DMD: variants seen among roughly 807,000 people sequenced by gnomAD.
DMD encodes dystrophin.
A neutral mutation model predicts 330.1 loss-of-function variants in DMD; 63 were observed. The observed-to-expected ratio is 0.19, with a 90% CI of 0.16 to 0.24. The LOEUF (loss-of-function observed/expected upper bound fraction) is 0.24. Among genes scored for constraint, DMD ranks in the 10% least tolerant of loss-of-function variants. DMD has a pLI of 1.00. For missense variants in DMD, 3,344 were observed against 2,684.1 expected (o/e 1.25, Z -5.43); for synonymous variants, 1,223 against 959.8 (o/e 1.27, Z -5.07).
At chrX:31,317,668 C>T (rs62588887) in intron 62 of DMD, among the ~76,000 whole-genome samples, 89 of 109,678 alleles carry the variant, frequency 8.1e-4, no homozygotes, top group Non-Finnish European at 1.4e-3. Flanking sequence ...CCCGCCACCA[C>T]GCCCAGCTAA....
At chrX:32,828,667 AC>A (rs1293163518) in intron 4 of DMD, among the ~76,000 whole-genome samples, 1 of 110,195 alleles carries the variant, frequency 9.1e-6, no homozygotes, top group Admixed American at 9.8e-5. Flanking sequence ...ATACATACAC[AC>A]ACATATATAC....
intron 55 of DMD, among the ~76,000 whole-genome samples, chrX:31,567,080 C>A (rs960965084): frequency 1.2e-4 from 13 of 111,382 alleles, no homozygotes; most frequent in Non-Finnish European, 2.5e-4. Flanking sequence ...CTTCTCAGCT[C>A]CATGAGCATT....
At chrX:32,598,164 T>C (rs768896234) in intron 12 of DMD, among the ~76,000 whole-genome samples, 114 of 112,528 alleles carry the variant, frequency 1.0e-3, no homozygotes, top group Non-Finnish European at 1.7e-3. Context: ...TTCGTCTCTC[T>C]AGATTTTCAT....
At chrX:32,317,839 C>CTT (rs34543898) in intron 41 of DMD, among the ~76,000 whole-genome samples, 193 of 101,029 alleles carry the variant, frequency 1.9e-3, no homozygotes, top group Middle Eastern at 0.01. Flanking sequence ...GTGATGGAGC[C>CTT]TTTTTTTTTT....
intron 52 of DMD, among the ~76,000 whole-genome samples, chrX:31,709,031 G>A (rs781284259): frequency 1.8e-5 from 2 of 112,009 alleles, no homozygotes; most frequent in African/African-American, 3.2e-5. Context: ...CAGCTCTTTG[G>A]GGGAACAAGG....
At chrX:31,969,849 C>T (rs1189505492) in intron 44 of DMD, among the ~76,000 whole-genome samples, 1 of 111,565 alleles carries the variant, frequency 9.0e-6, no homozygotes, top group Non-Finnish European at 1.9e-5. Context: ...ACAAGCTGTC[C>T]TGGCCATACT....
At chrX:32,123,129 TATAC>T (rs2096644271) in intron 44 of DMD, among the ~76,000 whole-genome samples, 1 of 99,668 alleles carries the variant, frequency 1.0e-5, no homozygotes, top group Non-Finnish European at 2.0e-5. Context: ...GTTCATCTTG[TATAC>T]ATACATACCA....
chrX:32,098,312 G>A (rs2096522475), intron 44 of DMD, among the ~76,000 whole-genome samples: 1 of 111,389 alleles, frequency 9.0e-6, no homozygotes. Flanking sequence ...TTAAAGTTGG[G>A]TATAATTCAA....
chrX:32,864,473 A>AAGAAAGAAAAG (rs2082327139), intron 2 of DMD, among the ~76,000 whole-genome samples: 7 of 112,453 alleles, frequency 6.2e-5, no homozygotes, highest in Admixed American at 3.8e-4. Flanking sequence ...AAGATAGTTT[A>AAGAAAGAAAAG]ATATATCTTT....
intron 62 of DMD, among the ~76,000 whole-genome samples, chrX:31,320,556 C>A (rs923373369): frequency 9.0e-6 from 1 of 111,477 alleles, no homozygotes; most frequent in Admixed American, 9.5e-5. Flanking sequence ...TCTTTTTAGA[C>A]CAAGACGGCA....
chrX:33,077,943 G>C (rs2094870744), intron 1 of DMD, among the ~76,000 whole-genome samples: 1 of 112,346 alleles, frequency 8.9e-6, no homozygotes, highest in East Asian at 2.8e-4. Context: ...TAGTCTTACT[G>C]TACTTGGCCT....
At chrX:32,013,365 G>A (rs2095732087) in intron 44 of DMD, among the ~76,000 whole-genome samples, 2 of 110,994 alleles carry the variant, frequency 1.8e-5, no homozygotes, top group South Asian at 3.8e-4. Context: ...GATTACAGGC[G>A]TGAGCCACCG....
At chrX:32,401,291 C>A (rs934151359) in intron 30 of DMD, among the ~76,000 whole-genome samples, 1 of 109,363 alleles carries the variant, frequency 9.1e-6, no homozygotes, top group Admixed American at 9.8e-5. Flanking sequence ...TGTGACTAAC[C>A]TGCACAATGT....
At chrX:31,762,012 GAAGA>G (rs1230271845) in intron 51 of DMD, among the ~76,000 whole-genome samples, 2 of 112,053 alleles carry the variant, frequency 1.8e-5, no homozygotes, top group Non-Finnish European at 3.8e-5. Context: ...TTTGAATTAT[GAAGA>G]AAGAAACACA....
Position 31,121,575 on chromosome X carries a change from T to TAAAG in DMD, c.*340_*343dup. 3.4e-6 allele frequency: 1 copy of TAAAG among 293,924 alleles called. No individual in the cohort carries two copies. Among genetic ancestry groups the TAAAG allele is most frequent in the Non-Finnish European group, 6.0e-6 (1 of 167,772 alleles). The allele number at this position is 293,924 out of a possible 1,213,427, so 24.2% of individuals were successfully genotyped here. A position where few individuals can be genotyped will look rare whatever the true frequency, so the allele number is the denominator to read the frequency against. On this transcript the variant is annotated 3_prime_UTR_variant, in exon 79 of 79. Transcript: ENST00000357033. ...TAAACAACCCAAAATGCGTTCCATA[T>TAAAG]AAAGAAATGGCAAGTTATTTAGCTA...
At chrX:32,629,718 G>A (rs1427309657) in intron 11 of DMD, among the ~76,000 whole-genome samples, 3 of 108,772 alleles carry the variant, frequency 2.8e-5, no homozygotes, top group Admixed American at 2.0e-4. Context: ...TAACTATGAG[G>A]TTTGTAAAGA....
intron 55 of DMD, among the ~76,000 whole-genome samples, chrX:31,544,010 A>T (rs1378260652): frequency 2.7e-5 from 3 of 111,365 alleles, no homozygotes; most frequent in Non-Finnish European, 5.6e-5. Context: ...GAAGAGGAAA[A>T]CTGTCAGAGT....
chrX:32,188,491 A>G (rs1302605241), intron 44 of DMD, among the ~76,000 whole-genome samples: 1 of 103,464 alleles, frequency 9.7e-6, no homozygotes, highest in Non-Finnish European at 2.0e-5. Context: ...TTATAGGTAC[A>G]TGAATAGTCA....
intron 1 of DMD, among the ~76,000 whole-genome samples, chrX:33,291,672 C>T (rs377615268): frequency 1.8e-5 from 2 of 111,316 alleles, no homozygotes; most frequent in East Asian, 2.8e-4. Context: ...TATTTCCAAA[C>T]GACAGTTTTT....
Sources: gnomAD v4.1 joint callset for allele counts (sites outside exome capture counted in the v4.1 genomes callset) on GRCh38, gnomAD v4.1.1 for gene constraint, MANE v1.5 for transcripts, NCBI Gene and HGNC (gene_info 2026-07-23, HGNC 2026-07-21) for gene names.